The following GRID2 variants were observed in gnomAD, a reference collection of about 807,000 sequenced individuals.
GRID2 encodes the protein glutamate ionotropic receptor delta type subunit 2.
Under a neutral mutation model 114.8 loss-of-function variants are expected in GRID2, and 33 were observed. That is an observed-to-expected ratio of 0.29 (90% confidence interval 0.22 to 0.38). The LOEUF is 0.38. GRID2 is among the 10% of genes least tolerant of loss of function. The probability of loss-of-function intolerance (pLI) is 1.00; values close to 1 mark genes in which losing one functional copy is unlikely to be tolerated. For missense variants in GRID2, 1,184 were observed against 1,257.7 expected (o/e 0.94, Z 0.89); for synonymous variants, 505 against 449.9 (o/e 1.12, Z -1.55).
At chr4:93,720,421 C>T (rs187404998) in intron 14 of GRID2, among the ~76,000 whole-genome samples, 110 of 152,330 alleles carry the variant, frequency 7.2e-4, no homozygotes, top group African/African-American at 2.5e-3. Flanking sequence ...AATTTTACCT[C>T]CTTTCATTTT....
chr4:92,411,584 C>T (rs1731302709), intron 1 of GRID2, among the ~76,000 whole-genome samples: 1 of 146,512 alleles, frequency 6.8e-6, no homozygotes, highest in South Asian at 2.1e-4. Flanking sequence ...TGTATCAAGA[C>T]ATAAAGAATA....
At chr4:92,736,727 T>C (rs1344327499) in intron 2 of GRID2, among the ~76,000 whole-genome samples, 1 of 152,104 alleles carries the variant, frequency 6.6e-6, no homozygotes, top group Non-Finnish European at 1.5e-5. Flanking sequence ...ACCTAAACAC[T>C]GCCCCAGTTT....
At chr4:93,602,593 G>C (rs1739794648) in intron 13 of GRID2, among the ~76,000 whole-genome samples, 1 of 152,188 alleles carries the variant, frequency 6.6e-6, no homozygotes, top group Non-Finnish European at 1.5e-5. Flanking sequence ...ACTGTGAACT[G>C]TACCCACATG....
chr4:93,321,056 T>A (rs1757156303), intron 8 of GRID2, among the ~76,000 whole-genome samples: 1 of 152,092 alleles, frequency 6.6e-6, no homozygotes, highest in African/African-American at 2.4e-5. Flanking sequence ...GGCAAGCTGA[T>A]GTGGCCTTAT....
At chr4:93,557,261 T>C (rs1226334076) in intron 13 of GRID2, among the ~76,000 whole-genome samples, 2 of 152,150 alleles carry the variant, frequency 1.3e-5, no homozygotes, top group Non-Finnish European at 2.9e-5. Context: ...TAAATGTAAA[T>C]GGGCTAAATG....
chr4:93,589,124 G>A (rs35269749), intron 13 of GRID2, among the ~76,000 whole-genome samples: 45,038 of 150,686 alleles, frequency 0.3, 7,299 homozygotes, highest in African/African-American at 0.41. Context: ...ATACGTATAC[G>A]TGTGCCATGC....
chr4:92,360,750 T>C (rs1728576931), intron 1 of GRID2, among the ~76,000 whole-genome samples: 1 of 151,896 alleles, frequency 6.6e-6, no homozygotes, highest in Non-Finnish European at 1.5e-5. Context: ...GAAGACCATA[T>C]TGAGTCTAGG....
At chr4:92,843,554 T>C (rs1026538374) in intron 2 of GRID2, among the ~76,000 whole-genome samples, 1 of 152,148 alleles carries the variant, frequency 6.6e-6, no homozygotes, top group Admixed American at 6.6e-5. Context: ...TCATGAGGAA[T>C]AACTATATTT....
intron 2 of GRID2, among the ~76,000 whole-genome samples, chr4:92,721,217 A>C (rs1735794665): frequency 6.6e-6 from 1 of 152,116 alleles, no homozygotes; most frequent in Admixed American, 6.6e-5. Context: ...TGAAGGAATA[A>C]GCTCTGGAGA....
At chr4:92,883,626 A>T (rs1746167835) in intron 2 of GRID2, among the ~76,000 whole-genome samples, 1 of 152,192 alleles carries the variant, frequency 6.6e-6, no homozygotes, top group Non-Finnish European at 1.5e-5. Context: ...AGCTCGTAGA[A>T]TGGACGTTGT....
At chr4:93,694,593 C>T (rs536410725) in intron 14 of GRID2, among the ~76,000 whole-genome samples, 7 of 152,286 alleles carry the variant, frequency 4.6e-5, no homozygotes, top group South Asian at 4.1e-4. Flanking sequence ...CATCTTGCCA[C>T]GCCTCCCAGT....
chr4:93,792,591 G>A (rs1734716046), intron 1 of GRID2, among the ~76,000 whole-genome samples: 1 of 152,038 alleles, frequency 6.6e-6, no homozygotes, highest in Non-Finnish European at 1.5e-5. Flanking sequence ...ATCATGCTGG[G>A]AACCCTACCA....
chr4:93,414,589 C>A (rs1339840768), intron 9 of GRID2, among the ~76,000 whole-genome samples: 1 of 151,850 alleles, frequency 6.6e-6, no homozygotes, highest in Non-Finnish European at 1.5e-5. Flanking sequence ...TACAGAGGTG[C>A]TTTCTAATTG....
intron 2 of GRID2, among the ~76,000 whole-genome samples, chr4:92,935,389 G>A (rs1750586166): frequency 6.8e-6 from 1 of 146,606 alleles, no homozygotes; most frequent in African/African-American, 2.4e-5. Flanking sequence ...GAAACAACAG[G>A]TGCTGGAGAG....
At chr4:93,002,191 T>G (rs1721059054) in intron 2 of GRID2, among the ~76,000 whole-genome samples, 1 of 151,946 alleles carries the variant, frequency 6.6e-6, no homozygotes, top group South Asian at 2.1e-4. Context: ...AAAATTATGA[T>G]AATTTTATCC....
chr4:93,690,106 A>G (rs1726425803), intron 14 of GRID2, among the ~76,000 whole-genome samples: 1 of 152,014 alleles, frequency 6.6e-6, no homozygotes, highest in South Asian at 2.1e-4. Context: ...ATCTTTTAAA[A>G]TCTGTATACA....
chr4:93,594,738 C>T lies in GRID2; in HGVS notation c.2194-31531C>T, dbSNP rs368819326. Among the ~76,000 whole-genome samples the T allele has an allele frequency of 2.1e-3, 320 of 151,668 alleles. 2 individuals are homozygous for T. Among genetic ancestry groups the T allele is most frequent in the African/African-American group, 5.3e-3 (219 of 41,256 alleles). On this transcript the variant is annotated intron_variant, in intron 13 of 15. Coordinates refer to ENST00000282020, the MANE Select transcript of GRID2 (RefSeq NM_001510.4). ...GGGGTAGGACCCTCTGAGCCAGGTG[C>T]GGGATATAATCTCGTGGTGCGCCGT...
intron 13 of GRID2, among the ~76,000 whole-genome samples, chr4:93,606,752 A>G (rs370785996): frequency 6.6e-6 from 1 of 152,300 alleles, no homozygotes; most frequent in Admixed American, 6.5e-5. Flanking sequence ...ACTAGGAATA[A>G]ATCAGTTATT....
chr4:92,841,651 A>C (rs1742905187), intron 2 of GRID2, among the ~76,000 whole-genome samples: 2 of 152,098 alleles, frequency 1.3e-5, no homozygotes, highest in Non-Finnish European at 2.9e-5. Flanking sequence ...CATGCTCTCC[A>C]GTTCTCTGTG....
Sources: gnomAD v4.1 joint callset for allele counts (sites outside exome capture counted in the v4.1 genomes callset) on GRCh38, gnomAD v4.1.1 for gene constraint, MANE v1.5 for transcripts, NCBI Gene and HGNC (gene_info 2026-07-23, HGNC 2026-07-21) for gene names.